Variants in PPP2R2B observed in about 807,000 individuals in gnomAD.
PPP2R2B encodes serine/threonine-protein phosphatase 2A 55 kDa regulatory subunit B beta isoform.
In PPP2R2B, 5 loss-of-function variants were observed where a neutral mutation model predicts 46.0. The ratio of observed to expected loss-of-function variants is 0.11; its 90% confidence interval spans 0.06 to 0.23. The LOEUF (loss-of-function observed/expected upper bound fraction) is 0.23, where lower values mean the gene tolerates loss of function less well. Among genes scored for constraint, PPP2R2B ranks in the 10% least tolerant of loss-of-function variants. The probability of loss-of-function intolerance (pLI) is 1.00; values close to 1 mark genes in which losing one functional copy is unlikely to be tolerated. For missense variants in PPP2R2B, 367 were observed against 575.0 expected, an observed-to-expected ratio of 0.64 and a Z score of 3.70; for synonymous variants, 215 against 206.7, an observed-to-expected ratio of 1.04 and a Z score of -0.34.
chr5:146,756,058 T>C (rs932436641), intron 2 of PPP2R2B, among the ~76,000 whole-genome samples: 1 of 152,218 alleles, frequency 6.6e-6, no homozygotes, highest in Non-Finnish European at 1.5e-5. Flanking sequence ...AGGAGAAGAA[T>C]GGATTGCTGT....
chr5:146,878,229 A>T lies in PPP2R2B; in HGVS notation c.-124-34T>A. On this transcript the variant is annotated intron_variant, in intron 1 of 9. Coordinates refer to ENST00000394411, the MANE Select transcript of PPP2R2B (RefSeq NM_181675.4). The surrounding 1 kb of genome is among the most constrained non-coding windows in gnomAD (Gnocchi z 4.5). ...GAGACGGGGAGGCGGAGAGAAAAAA[A>T]ATAAAAACCCGGCAATGGAGCTGTC... 1.3e-6 allele frequency: 2 copies of T among 1,533,544 alleles called. No individual in the cohort carries two copies. The highest frequency in any genetic ancestry group is 1.8e-6 in the Non-Finnish European group (2 of 1,141,054). The allele number at this position is 1,533,544 out of a possible 1,614,324, so 95.0% of individuals were successfully genotyped here.
chr5:146,847,814 A>T (rs559175580), intron 2 of PPP2R2B, among the ~76,000 whole-genome samples: 2 of 152,130 alleles, frequency 1.3e-5, no homozygotes, highest in African/African-American at 4.8e-5. Context: ...TTCTCTTATT[A>T]TCCAATTCAT....
At chr5:146,955,981 G>A (rs549445832) in intron 1 of PPP2R2B, among the ~76,000 whole-genome samples, 22 of 151,660 alleles carry the variant, frequency 1.5e-4, no homozygotes, top group African/African-American at 5.1e-4. Context: ...GTTTCACCAC[G>A]TTGGTCAGGC....
chr5:146,842,458 C>CT (rs1759712158), intron 2 of PPP2R2B, among the ~76,000 whole-genome samples: 1 of 149,110 alleles, frequency 6.7e-6, no homozygotes, highest in Non-Finnish European at 1.5e-5. Flanking sequence ...AAAAGACATA[C>CT]TTCAAAAAAA....
At chr5:147,005,573 T>C (rs1016587345) in intron 1 of PPP2R2B, among the ~76,000 whole-genome samples, 3 of 152,104 alleles carry the variant, frequency 2.0e-5, no homozygotes, top group African/African-American at 7.2e-5. Context: ...GGCAGTCTTA[T>C]ACTGCTGAAG....
chr5:146,962,586 G>A (rs779404963), intron 1 of PPP2R2B, among the ~76,000 whole-genome samples: 1 of 151,986 alleles, frequency 6.6e-6, no homozygotes, highest in African/African-American at 2.4e-5. Flanking sequence ...GAACCCAGGA[G>A]GCAGAGGTTG....
intron 2 of PPP2R2B, chr5:146,856,429 T>C (rs955196252): frequency 8.4e-7 from 1 of 1,196,804 alleles, no homozygotes; most frequent in Non-Finnish European, 1.2e-6. Flanking sequence ...TTTTAAGCAA[T>C]TGGAACTATT....
intron 5 of PPP2R2B, among the ~76,000 whole-genome samples, chr5:146,674,599 T>C (rs1000782489): frequency 1.3e-5 from 2 of 152,202 alleles, no homozygotes; most frequent in African/African-American, 2.4e-5. Flanking sequence ...CTCATACATC[T>C]TGGGTTGTGT....
At chr5:146,707,568 C>T (rs546973043) in intron 2 of PPP2R2B, 2 of 708,112 alleles carry the variant, frequency 2.8e-6, no homozygotes, top group Middle Eastern at 2.7e-4. Flanking sequence ...GAGGTGGACA[C>T]CTTGTAGGAC....
chr5:146,875,598 A>C (rs1172713007), intron 2 of PPP2R2B, among the ~76,000 whole-genome samples: 1 of 152,198 alleles, frequency 6.6e-6, no homozygotes, highest in African/African-American at 2.4e-5. Context: ...ACAGAAGAAA[A>C]ATTCAGAAAT....
chr5:146,781,131 GATATATATATATATATATATATAT>G lies in PPP2R2B; in HGVS notation c.71-80013_71-79990del, dbSNP rs56697862. Among the ~76,000 whole-genome samples the G allele has an allele frequency of 1.2e-3, 61 of 49,460 alleles. 3 individuals carry two copies. Among genetic ancestry groups the G allele is most frequent in the African/African-American group, 2.7e-3 (45 of 16,578 alleles). 32.4% of individuals were successfully genotyped at this position (49,460 alleles called of 152,430 possible). On this transcript the variant is annotated intron_variant, in intron 2 of 9. Transcript: ENST00000394411. The stretch of plus-strand genomic sequence containing the variant: ...TCACTTACATACATAATGCCACCAT[GATATATATATATATATATATATAT>G]ATATATATATATATATATATAAAAT...
intron 2 of PPP2R2B, among the ~76,000 whole-genome samples, chr5:146,868,496 CAG>C (rs1431838242): frequency 1.3e-5 from 2 of 152,190 alleles, no homozygotes; most frequent in Admixed American, 6.5e-5. Context: ...AACTGAGAGT[CAG>C]AAAAGTCTGT....
chr5:147,053,684 T>C (rs1044725940), intron 1 of PPP2R2B, among the ~76,000 whole-genome samples: 3 of 152,146 alleles, frequency 2.0e-5, no homozygotes, highest in Non-Finnish European at 4.4e-5. Flanking sequence ...CTTAAGGTAA[T>C]GTGAAAAATA....
At chr5:146,708,671 C>T (rs1780040843) in intron 2 of PPP2R2B, among the ~76,000 whole-genome samples, 1 of 152,032 alleles carries the variant, frequency 6.6e-6, no homozygotes, top group Admixed American at 6.6e-5. Flanking sequence ...TACAGTGTCT[C>T]TATTGATATG....
intron 1 of PPP2R2B, among the ~76,000 whole-genome samples, chr5:146,966,707 C>A (rs750343166): frequency 6.6e-6 from 1 of 152,152 alleles, no homozygotes; most frequent in South Asian, 2.1e-4. Context: ...AACACTGGGC[C>A]TGGCACAGCG....
chr5:146,833,768 G>T (rs1300485237), intron 2 of PPP2R2B, among the ~76,000 whole-genome samples: 2 of 113,708 alleles, frequency 1.8e-5, no homozygotes, highest in African/African-American at 6.8e-5. Flanking sequence ...CCCACCCCCA[G>T]CTGCACAGCT....
chr5:147,061,434 C>T (rs566593864), intron 2 of PPP2R2B, among the ~76,000 whole-genome samples: 121 of 152,214 alleles, frequency 7.9e-4, no homozygotes, highest in Non-Finnish European at 1.0e-3. Flanking sequence ...TTATCCTCAC[C>T]GAGATTTCCT....
chr5:146,833,975 T>A (rs1409738432), intron 2 of PPP2R2B, among the ~76,000 whole-genome samples: 1 of 152,192 alleles, frequency 6.6e-6, no homozygotes, highest in African/African-American at 2.4e-5. Flanking sequence ...TCCATGCACA[T>A]CCTAGGGGTT....
intron 1 of PPP2R2B, among the ~76,000 whole-genome samples, chr5:146,926,397 C>CT (rs200782664): frequency 1.3e-4 from 20 of 150,960 alleles, no homozygotes; most frequent in African/African-American, 3.2e-4. Context: ...TATTTATTTA[C>CT]TTTTTTTTTG....
Sources: gnomAD v4.1 joint callset for allele counts (sites outside exome capture counted in the v4.1 genomes callset) on GRCh38, gnomAD v4.1.1 for gene constraint, Gnocchi (gnomAD v3.1) non-coding constraint, MANE v1.5 for transcripts, NCBI Gene and HGNC (gene_info 2026-07-23, HGNC 2026-07-21) for gene names.